Variants in SLC12A1 observed in about 807,000 individuals in gnomAD.
SLC12A1 encodes the protein Na-K-2Cl cotransporter.
SLC12A1 carries 89 observed loss-of-function variants against 130.4 expected under a neutral mutation model. That is an observed-to-expected ratio of 0.68 (90% CI 0.58 to 0.81). SLC12A1 has a LOEUF of 0.81. SLC12A1 is among the 40% of genes least tolerant of loss of function. SLC12A1 has a pLI of 0.00. For missense variants in SLC12A1, 1,310 were observed against 1,336.4 expected, an observed-to-expected ratio of 0.98 and a Z score of 0.31; for synonymous variants, 499 against 460.0, an observed-to-expected ratio of 1.08 and a Z score of -1.09.
rs1221658355 is a variant in SLC12A1 at position 48,288,425 on chromosome 15, T to C, written c.2782T>C (p.Tyr928His). 1 of 1,521,800 alleles carries C rather than the reference T, an allele frequency of 6.6e-7. No individual in the cohort carries two copies. The highest frequency in any genetic ancestry group is 8.9e-7 in the Non-Finnish European group (1 of 1,118,076). 94.3% of individuals were successfully genotyped at this position (1,521,800 alleles called of 1,614,324 possible). A position where few individuals can be genotyped will look rare whatever the true frequency, so the allele number is the denominator to read the frequency against. Residue 928 changes from tyrosine to histidine, a missense_variant, in exon 23 of 27, where the codon TAT (tyrosine) becomes CAT (histidine). Coordinates refer to ENST00000380993, the MANE Select transcript of SLC12A1 (RefSeq NM_000338.3). ...DDGGLTLLIP[Y>H]ILTLRKKWKD... ...TCCAGGGTTAACACTTCTTATCCCC[T>C]ATATCTTAACTCTCAGAAAAAAATG...
In SLC12A1 at chr15:48,207,742, A is replaced by G. The variant is rs1238693222; in HGVS notation, c.23A>G (p.Asn8Ser). The stretch of plus-strand genomic sequence containing the variant: ...AAGATGTCACTGAACAACTCTTCCA[A>G]TGTATTTCTGGATTCAGTGCCCAGT... MSLNNSS[N>S]VFLDSVPSNT... The change falls in exon 2 of 27, where the codon AAT becomes AGT. Residue 8 changes from asparagine (N) to serine (S), a missense_variant. Transcript: ENST00000380993. The G allele has an allele frequency of 2.1e-5, 33 of 1,589,412 alleles. No homozygotes were observed. Among genetic ancestry groups the G allele is most frequent in the Non-Finnish European group, 2.7e-5 (31 of 1,167,802 alleles).
intron 18 of SLC12A1, 51 bp from the exon 19 acceptor site, chr15:48,269,607 T>C (rs987956382): frequency 2.2e-6 from 2 of 903,432 alleles, no homozygotes; most frequent in African/African-American, 1.6e-5. Flanking sequence ...TTTGTGATGG[T>C]AGTTTCCCAG....
chr15:48,288,487 G>A lies in SLC12A1; in HGVS notation c.2844G>A (p.Lys948=). 1 of 1,549,372 alleles carries A rather than the reference G, an allele frequency of 6.5e-7. No homozygotes were observed. The highest frequency in any genetic ancestry group is 8.8e-7 in the Non-Finnish European group (1 of 1,142,510). ...AATTAAGAATCTATGTGGGAGGGAAGATCAACCGCATTGAAGAAGAAAAAA... is the reference window on the plus strand; with the variant it reads ...AATTAAGAATCTATGTGGGAGGGAAAATCAACCGCATTGAAGAAGAAAAAA... The part of the protein sequence containing the change: ...DCKLRIYVGG[K]INRIEEEKIV... Residue 948 remains lysine, a synonymous_variant, in exon 23 of 27, where the codon AAG becomes AAA. Transcript: ENST00000380993.
At chr15:48,291,198 T>A (rs1256338009) in intron 23 of SLC12A1, among the ~76,000 whole-genome samples, 2 of 151,544 alleles carry the variant, frequency 1.3e-5, no homozygotes, top group East Asian at 3.9e-4. Context: ...TTAAAAACTT[T>A]TCTGTAACTT....
At chr15:48,257,181 G>A in intron 16 of SLC12A1, among the ~76,000 whole-genome samples, 1 of 152,222 alleles carries the variant, frequency 6.6e-6, no homozygotes, top group Admixed American at 6.5e-5. Context: ...TCATGTTGAT[G>A]CAAGGTGGGT....
At chr15:48,272,933 C>T (rs1436370330) in intron 19 of SLC12A1, among the ~76,000 whole-genome samples, 1 of 151,714 alleles carries the variant, frequency 6.6e-6, no homozygotes, top group Non-Finnish European at 1.5e-5. Context: ...GATGATGAAA[C>T]CCAACCTCTA....
Position 48,299,238 on chromosome 15 carries a change from A to C in SLC12A1, c.3059A>C (p.Lys1020Thr), listed in dbSNP as rs1252614904. The C allele has an allele frequency of 3.7e-6, 6 of 1,608,004 alleles. No homozygotes were observed. Among genetic ancestry groups the C allele is most frequent in the Non-Finnish European group, 5.1e-6 (6 of 1,178,182 alleles). ...AAATTAAAAAGAGAAACTCCGTGGA[A>C]AATTACAGATGCAGAACTGGAAGCA... ...AEKLKRETPW[K>T]ITDAELEAVK... The change falls in exon 25 of 27, where the codon AAA becomes ACA. Residue 1020 changes from lysine to threonine, a missense_variant. Physicochemically the swap from Lys to Thr is moderately conservative, Grantham distance 78. Transcript: ENST00000380993.
chr15:48,212,967 C>G (rs988648246), intron 2 of SLC12A1, among the ~76,000 whole-genome samples: 3 of 152,172 alleles, frequency 2.0e-5, no homozygotes, highest in Admixed American at 2.0e-4. Context: ...ACACTGTGCT[C>G]ACACTTAAAA....
intron 11 of SLC12A1, among the ~76,000 whole-genome samples, chr15:48,246,457 G>C (rs72737967): frequency 0.055 from 8,313 of 152,112 alleles, 433 homozygotes; most frequent in East Asian, 0.21. Flanking sequence ...AACCAAAAAG[G>C]CCATTTCTAT....
chr15:48,236,945 G>C (rs1395118934), intron 9 of SLC12A1: 1 of 683,468 alleles, frequency 1.5e-6, no homozygotes, highest in African/African-American at 1.8e-5. Context: ...ATAGCAGTCA[G>C]TTCCGCTTAG....
chr15:48,275,265 A>G (rs2041939614), intron 20 of SLC12A1, among the ~76,000 whole-genome samples: 1 of 152,204 alleles, frequency 6.6e-6, no homozygotes, highest in Non-Finnish European at 1.5e-5. Flanking sequence ...ACATGAATTC[A>G]TGATTTCCCT....
intron 10 of SLC12A1, among the ~76,000 whole-genome samples, chr15:48,242,185 T>G (rs1407344960): frequency 1.3e-5 from 2 of 152,236 alleles, no homozygotes; most frequent in African/African-American, 4.8e-5. Flanking sequence ...CTGCTGTTCC[T>G]GAGACTGACT....
chr15:48,288,010 CA>C, intron 21 of SLC12A1, 32 bp from the exon 22 acceptor site: 1 of 1,594,022 alleles, frequency 6.3e-7, no homozygotes, highest in East Asian at 2.2e-5. Context: ...CCCTCAAAAG[CA>C]AACAGATGCA....
intron 17 of SLC12A1, among the ~76,000 whole-genome samples, chr15:48,260,341 C>G (rs894501103): frequency 3.6e-5 from 3 of 84,204 alleles, no homozygotes; most frequent in Non-Finnish European, 6.8e-5. Flanking sequence ...CTCTCTCTCT[C>G]TCTCTATCAC....
At chr15:48,286,267 C>T (rs1597454837) in intron 21 of SLC12A1, among the ~76,000 whole-genome samples, 1 of 152,180 alleles carries the variant, frequency 6.6e-6, no homozygotes, top group African/African-American at 2.4e-5. Context: ...TATTGCCCCA[C>T]TTCAAATACT....
intron 20 of SLC12A1, among the ~76,000 whole-genome samples, chr15:48,275,377 G>A (rs1044003078): frequency 5.9e-5 from 9 of 152,290 alleles, no homozygotes; most frequent in Admixed American, 4.6e-4. Context: ...GTAGGTGCAA[G>A]TGGTGCTGGG....
chr15:48,234,919 G>A lies in SLC12A1; in HGVS notation c.1130G>A (p.Gly377Asp). Reference protein sequence around the residue: ...AENFGPRFTKGEGFFSVFAIF... With the variant: ...AENFGPRFTKDEGFFSVFAIF... ...AACTTTGGGCCACGCTTCACAAAGG[G>A]TGAAGGCTTCTTCTCTGTCTTTGCC... The change falls in exon 9 of 27, where the codon GGT becomes GAT. Residue 377 changes from glycine (G) to aspartate (D), a missense_variant. Physicochemically the swap from Gly to Asp is moderately conservative, Grantham distance 94. Coordinates refer to ENST00000380993, the MANE Select transcript of SLC12A1 (RefSeq NM_000338.3). 1 of 1,613,812 alleles carries A rather than the reference G, an allele frequency of 6.2e-7. No individual in the cohort carries two copies. Among genetic ancestry groups the A allele is most frequent in the Non-Finnish European group, 8.5e-7 (1 of 1,179,744 alleles).
chr15:48,265,318 T>C (rs1282595211), intron 17 of SLC12A1, among the ~76,000 whole-genome samples: 2 of 152,196 alleles, frequency 1.3e-5, no homozygotes, highest in Admixed American at 1.3e-4. Flanking sequence ...CAGACATACA[T>C]TAGACTGTGT....
At chr15:48,225,949 T>C in intron 4 of SLC12A1, 1 of 954,204 alleles carries the variant, frequency 1.0e-6, no homozygotes, top group South Asian at 4.8e-5. Context: ...TCAGAGGAGG[T>C]AATTAAACTT....
Sources: allele counts gnomAD v4.1 joint callset (sites outside exome capture counted in the v4.1 genomes callset), GRCh38; gene constraint gnomAD v4.1.1; transcripts MANE v1.5; gene names NCBI Gene and HGNC (gene_info 2026-07-23, HGNC 2026-07-21).